SLC6A8: variants seen among roughly 807,000 people sequenced by gnomAD.
SLC6A8 encodes solute carrier family 6 member 8.
A neutral mutation model predicts 48.3 loss-of-function variants in SLC6A8; 6 were observed. That is an observed-to-expected ratio of 0.12 (90% CI 0.07 to 0.25). SLC6A8 has a LOEUF of 0.25. Among genes scored for constraint, SLC6A8 ranks in the 10% least tolerant of loss-of-function variants. The probability of loss-of-function intolerance (pLI) is 1.00; values close to 1 mark genes in which losing one functional copy is unlikely to be tolerated. For missense variants in SLC6A8, 260 were observed against 551.5 expected, an observed-to-expected ratio of 0.47 and a Z score of 5.29; for synonymous variants, 245 against 244.0, an observed-to-expected ratio of 1.00 and a Z score of -0.04.
chrX:153,693,887 C>T lies in SLC6A8; in HGVS notation c.1142-18C>T. On this transcript the variant is annotated intron_variant, in intron 7 of 12. Transcript: ENST00000253122. ...AGGACATCGGCTACAAGGTCTAGAG[C>T]CTGCACCTTTCCCACAGGGCCGGGC... is the stretch of plus-strand genomic sequence containing the variant. 1 of 1,121,213 alleles carries T rather than the reference C, an allele frequency of 8.9e-7. No individual in the cohort carries two copies. Among genetic ancestry groups the T allele is most frequent in the Non-Finnish European group, 1.2e-6 (1 of 831,931 alleles). 92.4% of individuals were successfully genotyped at this position (1,121,213 alleles called of 1,213,427 possible).
chrX:153,692,642 C>G (rs1557044757), intron 4 of SLC6A8: 2 of 342,886 alleles, frequency 5.8e-6, no homozygotes, highest in Admixed American at 6.2e-5. Flanking sequence ...GCTCAACCCC[C>G]ACCTCTCTCC....
In SLC6A8 at chrX:153,696,162, G is replaced by C. The variant is rs2091490680; in HGVS notation, c.*948G>C. ...TGTGCGTGTGTGGTCCCCAGCCCCA[G>C]ACTGGATTGGAAAAGTGCATGGTGG... On this transcript the variant is annotated 3_prime_UTR_variant, in exon 13 of 13. Transcript: ENST00000253122. 2.9e-5 allele frequency: 7 copies of C among 243,067 alleles called. No individual in the cohort carries two copies. Among genetic ancestry groups the C allele is most frequent in the South Asian group, 2.5e-4 (6 of 24,116 alleles). 20.0% of individuals were successfully genotyped at this position (243,067 alleles called of 1,213,427 possible).
chrX:153,690,896 C>CG (rs1474602704), intron 2 of SLC6A8: 5 of 235,965 alleles, frequency 2.1e-5, no homozygotes, highest in South Asian at 1.5e-4. Context: ...CTAGAAACCC[C>CG]CCCCCCCCAC....
chrX:153,692,777 T>C (rs1223138178), intron 4 of SLC6A8: 1 of 458,155 alleles, frequency 2.2e-6, no homozygotes. Flanking sequence ...CTGTCCCCAC[T>C]GAGGAGAGCT....
chrX:153,693,713 C>A, intron 7 of SLC6A8, 127 bp downstream of exon 7: 3 of 882,607 alleles, frequency 3.4e-6, no homozygotes, highest in Non-Finnish European at 4.9e-6. Flanking sequence ...AGATTGTGGG[C>A]CTGTGGGGGC....
intron 4 of SLC6A8, 157 bp from the exon 5 acceptor site, chrX:153,692,884 C>T (rs782381089): frequency 4.3e-5 from 31 of 717,296 alleles, no homozygotes; most frequent in African/African-American, 2.5e-4. Context: ...GCTGCCGGGG[C>T]GCAGCCTTGC....
At chrX:153,694,986 G>T in intron 12 of SLC6A8, 88 bp from the exon 13 acceptor site, 1 of 1,142,639 alleles carries the variant, frequency 8.8e-7, no homozygotes, top group South Asian at 1.9e-5. Flanking sequence ...AGGGTGGCAG[G>T]CAGTGGGAAC....
At chrX:153,690,269 C>T (rs1464229393) in intron 1 of SLC6A8, 106 bp from the exon 2 acceptor site, 3 of 897,032 alleles carry the variant, frequency 3.3e-6, no homozygotes, top group Non-Finnish European at 4.8e-6. Context: ...CACTGACTCA[C>T]CCAGTCGGAA....
chrX:153,692,172 C>T (rs781997529), intron 4 of SLC6A8, 65 bp downstream of exon 4: 1 of 1,101,589 alleles, frequency 9.1e-7, no homozygotes, highest in Non-Finnish European at 1.2e-6. Flanking sequence ...CTGTGCCAGG[C>T]ACACCTGTGG....
rs1220673770 is a variant in SLC6A8, at chrX:153,695,466, G to A, written c.*252G>A. The A allele has an allele frequency of 5.8e-5, 23 of 398,654 alleles. No individual in the cohort carries two copies. The highest frequency in any genetic ancestry group is 2.2e-4 in the East Asian group (5 of 23,243). The allele number at this position is 398,654 out of a possible 1,213,427, so 32.9% of individuals were successfully genotyped here. ...CCTAGCCGAGCTGGTCCTAGGCCCC[G>A]CCTAGTGCCCCACCCCCACCCACAG... On this transcript the variant is annotated 3_prime_UTR_variant, in exon 13 of 13. Transcript: ENST00000253122.
chrX:153,696,422 G>C lies in SLC6A8; in HGVS notation c.*1208G>C, dbSNP rs1289070434. The C allele has an allele frequency of 3.0e-6, 1 of 330,350 alleles. No individual in the cohort carries two copies. The highest frequency in any genetic ancestry group is 5.9e-6 in the Non-Finnish European group (1 of 169,899). 27.2% of individuals were successfully genotyped at this position (330,350 alleles called of 1,213,427 possible). On this transcript the variant is annotated 3_prime_UTR_variant, in exon 13 of 13. Transcript: ENST00000253122. ...TAGCAGCTTTAACCCACGTTTGTCT[G>C]TCACGTCCAGTCCCGAGACGGCTGA...
chrX:153,691,136 A>C, intron 2 of SLC6A8, 168 bp from the exon 3 acceptor site: 1 of 538,696 alleles, frequency 1.9e-6, no homozygotes, highest in Non-Finnish European at 3.2e-6. Flanking sequence ...GAGTCAGCGC[A>C]GTGTTGGGGC....
In SLC6A8 at chrX:153,693,537, C is replaced by A; in HGVS notation, c.1092C>A (p.Gly364=). The change falls in exon 7 of 13, where the codon GGC becomes GGA. Residue 364 remains glycine (G), a synonymous_variant. Transcript: ENST00000253122. ...FAGFVVFSIL[G]FMAAEQGVHI... Reference sequence around the variant, plus strand: ...GCTTCGTGGTCTTCTCCATCCTGGGCTTCATGGCTGCAGAGCAGGGCGTGC... The same window carrying A: ...GCTTCGTGGTCTTCTCCATCCTGGGATTCATGGCTGCAGAGCAGGGCGTGC... 8.3e-7 allele frequency: 1 copy of A among 1,210,687 alleles called. No homozygotes were observed. The highest frequency in any genetic ancestry group is 1.1e-6 in the Non-Finnish European group (1 of 894,552).
rs1452571405 is a variant in SLC6A8 at position 153,695,649 on chromosome X, AGAG to A, written c.*439_*441del. 6.7e-5 allele frequency: 12 copies of A among 178,559 alleles called. No homozygotes were observed. Among genetic ancestry groups the A allele is most frequent in the East Asian group, 4.6e-4 (3 of 6,511 alleles). The allele number at this position is 178,559 out of a possible 1,213,427, so 14.7% of individuals were successfully genotyped here. On this transcript the variant is annotated 3_prime_UTR_variant, in exon 13 of 13. Coordinates refer to ENST00000253122, the MANE Select transcript of SLC6A8 (RefSeq NM_005629.4). ...GAGGGAGAGACGGGAGGGAGGAGAG[AGAG>A]GAGAAGGGAGGCAGGGGAGGGGCAG... is the stretch of plus-strand genomic sequence containing the variant.
chrX:153,693,446 C>G lies in SLC6A8; in HGVS notation c.1017-16C>G, dbSNP rs1353769217. On this transcript the variant is annotated splice_polypyrimidine_tract_variant and intron_variant, in intron 6 of 12. Coordinates refer to ENST00000253122, the MANE Select transcript of SLC6A8 (RefSeq NM_005629.4). ...CAGCAGCCTAACCCATCCACTCTGG[C>G]CCCTCCACCCCTCAGGGACGCCATC... 7 of 1,210,580 alleles carry G rather than the reference C, an allele frequency of 5.8e-6. No individual in the cohort carries two copies. Among genetic ancestry groups the G allele is most frequent in the Non-Finnish European group, 7.8e-6 (7 of 894,596 alleles).
At chrX:153,691,247 G>A (rs1221351950) in intron 2 of SLC6A8, 57 bp from the exon 3 acceptor site, 209 of 1,150,818 alleles carry the variant, frequency 1.8e-4, no homozygotes, top group Non-Finnish European at 1.9e-5. Flanking sequence ...ACATAAAGGG[G>A]TGGCAGGGGG....
At position 153,695,083 on chromosome X, in the gene SLC6A8, C is replaced by T; in HGVS notation, c.1777C>T (p.His593Tyr). The T allele has an allele frequency of 6.6e-6, 8 of 1,203,330 alleles. No individual in the cohort carries two copies. Among genetic ancestry groups the T allele is most frequent in the Non-Finnish European group, 9.0e-6 (8 of 891,161 alleles). The change falls in exon 13 of 13, where the codon CAC (histidine) becomes TAC (tyrosine). Residue 593 changes from histidine (H) to tyrosine (Y), a missense_variant. By Grantham distance (83) the His-to-Tyr change is moderately conservative. Transcript: ENST00000253122. ...TCCTCCTCTCCTGCAGCGCTGGCAGCACCTGACCCAGCCCATCTGGGGCCT... is the reference window on the plus strand; with the variant it reads ...TCCTCCTCTCCTGCAGCGCTGGCAGTACCTGACCCAGCCCATCTGGGGCCT... ...AKGTMAERWQ[H>Y]LTQPIWGLHH...
intron 2 of SLC6A8, chrX:153,690,822 G>T: frequency 3.2e-6 from 1 of 309,786 alleles, no homozygotes; most frequent in Non-Finnish European, 5.9e-6. Flanking sequence ...GGCACAGACA[G>T]GTGGAGCGAC....
intron 4 of SLC6A8, 70 bp from the exon 5 acceptor site, chrX:153,692,971 C>T (rs1161790434): frequency 1.0e-5 from 12 of 1,173,338 alleles, no homozygotes; most frequent in South Asian, 5.4e-5. Context: ...CAAGGGGGAC[C>T]GGAGGCGCTG....
Sources: allele counts gnomAD v4.1 joint callset, GRCh38; gene constraint gnomAD v4.1.1; transcripts MANE v1.5; gene names NCBI Gene and HGNC (gene_info 2026-07-23, HGNC 2026-07-21).